Variants in ZBBX observed in about 807,000 individuals in gnomAD.
ZBBX encodes the protein zinc finger B-box domain containing, also known as zinc finger B-box domain-containing protein 1.
Under a neutral mutation model 108.5 loss-of-function variants are expected in ZBBX, and 101 were observed. That is an observed-to-expected ratio of 0.93 (90% CI 0.79 to 1.10). The LOEUF is 1.10. Among genes scored for constraint, ZBBX ranks in the 50% least tolerant of loss-of-function variants. The pLI is 0.00. For synonymous variants in ZBBX, 356 were observed against 323.4 expected, an observed-to-expected ratio of 1.10 and a Z score of -1.08; for missense variants, 1,009 against 941.4, an observed-to-expected ratio of 1.07 and a Z score of -0.94.
At chr3:167,280,484 C>T (rs371120104) in intron 20 of ZBBX, among the ~76,000 whole-genome samples, 27 of 143,080 alleles carry the variant, frequency 1.9e-4, no homozygotes, top group Non-Finnish European at 3.4e-4. Context: ...ATTTATGCAG[C>T]CAAAAAACAC....
intron 17 of ZBBX, among the ~76,000 whole-genome samples, chr3:167,301,548 A>C (rs890154339): frequency 9.9e-5 from 15 of 152,244 alleles, no homozygotes; most frequent in Admixed American, 2.0e-4. Context: ...ATTTGGGATT[A>C]TAAATTTCCC....
At chr3:167,279,093 A>C (rs1027784033) in intron 20 of ZBBX, among the ~76,000 whole-genome samples, 1 of 150,820 alleles carries the variant, frequency 6.6e-6, no homozygotes, top group Non-Finnish European at 1.5e-5. Context: ...CATTGATGGG[A>C]CATATTTCAA....
chr3:167,245,263 A>G (rs1474313677), intron 20 of ZBBX, among the ~76,000 whole-genome samples: 57 of 152,096 alleles, frequency 3.7e-4, no homozygotes. Context: ...AATACAAAAA[A>G]TTAGCCGGGC....
At chr3:167,306,289 C>T (rs376886564) in intron 16 of ZBBX, among the ~76,000 whole-genome samples, 2 of 152,248 alleles carry the variant, frequency 1.3e-5, no homozygotes, top group East Asian at 3.9e-4. Flanking sequence ...AATTTTACAA[C>T]AGTAATTCAT....
intron 1 of ZBBX, among the ~76,000 whole-genome samples, chr3:167,402,153 T>G (rs112336539): frequency 3.9e-5 from 6 of 152,216 alleles, no homozygotes; most frequent in African/African-American, 1.4e-4. Context: ...GCAGTCATTC[T>G]CTCCACCTTA....
At chr3:167,267,193 G>A (rs896941284) in intron 20 of ZBBX, among the ~76,000 whole-genome samples, 19 of 152,186 alleles carry the variant, frequency 1.2e-4, no homozygotes, top group Non-Finnish European at 2.1e-4. Flanking sequence ...TGGGGGTCCC[G>A]TCAGGGGTTT....
chr3:167,296,746 A>G (rs1305084747), intron 18 of ZBBX, among the ~76,000 whole-genome samples: 1 of 152,024 alleles, frequency 6.6e-6, no homozygotes, highest in Non-Finnish European at 1.5e-5. Flanking sequence ...AAAAAGAAAC[A>G]TATCTCATGT....
chr3:167,334,004 T>C lies in ZBBX; in HGVS notation c.529-19A>G. ...ATTTTGCCTATTAAAAAAGTAACAA[T>C]ATAATTAAAGCGCCTCATATGTTAA... On this transcript the variant is annotated intron_variant, in intron 9 of 21. Coordinates refer to ENST00000675490, the MANE Select transcript of ZBBX (RefSeq NM_001199201.2). The C allele has an allele frequency of 2.7e-6, 4 of 1,493,126 alleles. No homozygotes were observed. The highest frequency in any genetic ancestry group is 3.6e-6 in the Non-Finnish European group (4 of 1,115,688). 92.5% of individuals were successfully genotyped at this position (1,493,126 alleles called of 1,614,324 possible).
chr3:167,351,650 A>T (rs974156104), intron 8 of ZBBX, among the ~76,000 whole-genome samples: 3 of 152,160 alleles, frequency 2.0e-5, no homozygotes, highest in Non-Finnish European at 2.9e-5. Context: ...TATCACACAG[A>T]GGAATGGCTA....
chr3:167,219,849 A>G, the ZBBX span, among the ~76,000 whole-genome samples: 1 of 151,958 alleles, frequency 6.6e-6, no homozygotes, highest in South Asian at 2.1e-4. Flanking sequence ...AACAAAATCA[A>G]TAAACCTTTA....
intron 10 of ZBBX, among the ~76,000 whole-genome samples, chr3:167,333,513 A>C (rs145860261): frequency 5.3e-5 from 8 of 152,262 alleles, no homozygotes; most frequent in Non-Finnish European, 8.8e-5. Context: ...TAAAATTGTT[A>C]TATTGCATTG....
chr3:167,395,314 A>T (rs1748197216), intron 1 of ZBBX, among the ~76,000 whole-genome samples: 1 of 152,072 alleles, frequency 6.6e-6, no homozygotes, highest in African/African-American at 2.4e-5. Flanking sequence ...TATAAATAAC[A>T]GTTATAGGTT....
Position 167,240,898 on chromosome 3 carries a change from T to A in ZBBX, c.2415A>T (p.Lys805Asn). ...EELSCSGRDT[K>N]IQSLLSLSES... ...CAGAAAGTGACAGCAAAGACTGAAT[T>A]TTGGTATCTCTTCCAGAACAGCTGA... The change falls in exon 22 of 22, where the codon AAA (lysine) becomes AAT (asparagine). Residue 805 changes from lysine (K) to asparagine (N), a missense_variant. Physicochemically the swap from Lys to Asn is moderately conservative, Grantham distance 94. Coordinates refer to ENST00000675490, the MANE Select transcript of ZBBX (RefSeq NM_001199201.2). 2 of 1,613,344 alleles carry A rather than the reference T, an allele frequency of 1.2e-6. No homozygotes were observed. Among genetic ancestry groups the A allele is most frequent in the Non-Finnish European group, 1.7e-6 (2 of 1,179,466 alleles).
chr3:167,329,405 G>A (rs970791656), intron 10 of ZBBX, among the ~76,000 whole-genome samples: 5 of 152,172 alleles, frequency 3.3e-5, no homozygotes, highest in African/African-American at 1.2e-4. Flanking sequence ...AGGGTATATT[G>A]TTAAAGACGT....
chr3:167,251,238 A>C (rs1368691857), intron 20 of ZBBX, among the ~76,000 whole-genome samples: 1 of 152,174 alleles, frequency 6.6e-6, no homozygotes, highest in Admixed American at 6.5e-5. Context: ...CTCATTCTCC[A>C]AGACCACGTG....
chr3:167,300,400 G>A (rs1414573130), intron 17 of ZBBX, among the ~76,000 whole-genome samples: 1 of 152,006 alleles, frequency 6.6e-6, no homozygotes, highest in African/African-American at 2.4e-5. Context: ...AACAGTCACT[G>A]GTTTTTGATT....
At chr3:167,366,764 G>A (rs1745385362) in intron 5 of ZBBX, 1 of 448,730 alleles carries the variant, frequency 2.2e-6, no homozygotes, top group African/African-American at 2.0e-5. Flanking sequence ...AGCTTCCACA[G>A]CTAAGAAAAA....
At chr3:167,193,055 T>C in the ZBBX span, among the ~76,000 whole-genome samples, 1 of 152,152 alleles carries the variant, frequency 6.6e-6, no homozygotes, top group Non-Finnish European at 1.5e-5. Flanking sequence ...TGTCTTTGCA[T>C]TGAAGTATTT....
the ZBBX span, among the ~76,000 whole-genome samples, chr3:167,180,395 T>C: frequency 6.6e-6 from 1 of 152,234 alleles, no homozygotes; most frequent in Non-Finnish European, 1.5e-5. Flanking sequence ...TCCCTACGAA[T>C]GGTTACTTTC....
Sources: gnomAD v4.1 joint callset for allele counts (sites outside exome capture counted in the v4.1 genomes callset) on GRCh38, gnomAD v4.1.1 for gene constraint, MANE v1.5 for transcripts, NCBI Gene and HGNC (gene_info 2026-07-23, HGNC 2026-07-21) for gene names.